PCDH11X: variants seen among roughly 807,000 people sequenced by gnomAD.
PCDH11X encodes protocadherin-11 X-linked.
In PCDH11X, 18 loss-of-function variants were observed where a neutral mutation model predicts 53.3. That is an observed-to-expected ratio of 0.34 (90% confidence interval 0.23 to 0.50). The LOEUF is 0.50. Ranked by LOEUF, PCDH11X falls within the 20% of genes least tolerant of loss-of-function variation. PCDH11X has a pLI of 0.98. For synonymous variants in PCDH11X, 279 were observed against 393.3 expected, an observed-to-expected ratio of 0.71 and a Z score of 3.44; for missense variants, 570 against 1,032.4, an observed-to-expected ratio of 0.55 and a Z score of 6.14.
At chrX:91,796,913 T>C (rs1295508595) in intron 1 of PCDH11X, among the ~76,000 whole-genome samples, 1 of 111,783 alleles carries the variant, frequency 8.9e-6, no homozygotes, top group Non-Finnish European at 1.9e-5. Context: ...TCTTTTTCAC[T>C]TCACAGTCCA....
chrX:92,353,084 A>G lies in PCDH11X; in HGVS notation c.3145-34651A>G, dbSNP rs370148385. ...AGAACAGCTTATCAAGATGTGCATA[A>G]AAATTGCAGACCTGTGACCATGTAT... On this transcript the variant is annotated intron_variant, in intron 8 of 10. Transcript: ENST00000682573. Among the ~76,000 whole-genome samples, 318 of 111,579 alleles carry G rather than the reference A, an allele frequency of 2.9e-3. 6 individuals are homozygous for G. The East Asian group carries it at 0.053, about 19-fold the overall frequency.
intron 6 of PCDH11X, among the ~76,000 whole-genome samples, chrX:92,175,783 T>TACAC (rs1213559599): frequency 4.7e-5 from 4 of 85,845 alleles, no homozygotes; most frequent in African/African-American, 1.4e-4. Flanking sequence ...TGTGTATATA[T>TACAC]ATACACACAC....
At chrX:92,194,425 T>G (rs1320172227) in intron 6 of PCDH11X, among the ~76,000 whole-genome samples, 1 of 111,496 alleles carries the variant, frequency 9.0e-6, no homozygotes, top group African/African-American at 3.3e-5. Context: ...TTGAAGCCCA[T>G]AAATCCAATA....
intron 4 of PCDH11X, among the ~76,000 whole-genome samples, chrX:91,813,752 CA>C (rs1191483936): frequency 3.8e-5 from 4 of 105,440 alleles, no homozygotes; most frequent in African/African-American, 1.4e-4. Context: ...AAGTAGACCA[CA>C]AAAAAAGTAC....
chrX:92,194,669 GTT>G (rs200483803), intron 6 of PCDH11X, among the ~76,000 whole-genome samples: 28 of 98,701 alleles, frequency 2.8e-4, no homozygotes, highest in South Asian at 2.3e-3. Context: ...TAAATATTAT[GTT>G]TTTTTTTTTT....
intron 7 of PCDH11X, among the ~76,000 whole-genome samples, chrX:92,216,759 C>T (rs1470858534): frequency 1.1e-5 from 1 of 90,647 alleles, no homozygotes; most frequent in Non-Finnish European, 2.2e-5. Flanking sequence ...GTCAGATTCA[C>T]CAAAGTTGAA....
At chrX:92,246,817 A>G (rs2067360971) in intron 7 of PCDH11X, among the ~76,000 whole-genome samples, 1 of 112,242 alleles carries the variant, frequency 8.9e-6, no homozygotes, top group African/African-American at 3.2e-5. Flanking sequence ...TGTCTGGTTC[A>G]GAGAACACTT....
rs780867171 is a variant in PCDH11X, at chrX:91,832,943, C to T, written c.-44-2518C>T. Among the ~76,000 whole-genome samples, 256 of 99,904 alleles carry T rather than the reference C, an allele frequency of 2.6e-3. 1 individual carries two copies. The highest frequency in any genetic ancestry group is 9.9e-3 in the Middle Eastern group (2 of 203). 86.8% of individuals were successfully genotyped at this position (99,904 alleles called of 115,157 possible). ...TGGGGGTTTGTTGTACAGATTATTT[C>T]GTCACCCAGGTATTAAGCCTAGTAC... On this transcript the variant is annotated intron_variant, in intron 4 of 10. Coordinates refer to ENST00000682573, the MANE Select transcript of PCDH11X (RefSeq NM_032968.5).
chrX:91,861,713 A>G (rs61124955), intron 5 of PCDH11X, among the ~76,000 whole-genome samples: 1,234 of 112,004 alleles, frequency 0.011, 17 homozygotes, highest in African/African-American at 0.037. Context: ...TCCTGGTGGC[A>G]TAGGCTCACA....
chrX:91,861,897 A>G (rs1254143082), intron 5 of PCDH11X, among the ~76,000 whole-genome samples: 2 of 110,958 alleles, frequency 1.8e-5, no homozygotes, highest in African/African-American at 6.6e-5. Context: ...GGTTGCATCA[A>G]CTGCCTAGTC....
intron 9 of PCDH11X, among the ~76,000 whole-genome samples, chrX:92,402,336 T>A (rs2071404386): frequency 9.0e-6 from 1 of 111,523 alleles, no homozygotes; most frequent in Non-Finnish European, 1.9e-5. Flanking sequence ...CCAAGGCAAA[T>A]CTTAAAAAGA....
chrX:91,801,179 CAAA>C (rs72093084), intron 1 of PCDH11X, among the ~76,000 whole-genome samples: 131 of 31,906 alleles, frequency 4.1e-3, no homozygotes, highest in African/African-American at 0.014. Flanking sequence ...GACCCTGCCT[CAAA>C]AAAAAAAAAA....
Position 92,481,298 on chromosome X carries a change from A to ACC in PCDH11X, c.3367+12979_3367+12980dup, listed in dbSNP as rs768734926. On this transcript the variant is annotated intron_variant, in intron 10 of 10. Coordinates refer to ENST00000682573, the MANE Select transcript of PCDH11X (RefSeq NM_032968.5). The stretch of plus-strand genomic sequence containing the variant: ...AAGGGCAGGGTTCACACACACACAC[A>ACC]CCCCACACACACACACCCCACACAC... Among the ~76,000 whole-genome samples the ACC allele has an allele frequency of 4.1e-5, 3 of 72,757 alleles. No individual in the cohort carries two copies. The Admixed American group carries it at 4.5e-4, about 11-fold the overall frequency. The allele number at this position is 72,757 out of a possible 115,157, so 63.2% of individuals were successfully genotyped here. A position where few individuals can be genotyped will look rare whatever the true frequency, so the allele number is the denominator to read the frequency against.
intron 9 of PCDH11X, among the ~76,000 whole-genome samples, chrX:92,442,069 G>A (rs183049026): frequency 4.5e-5 from 5 of 111,417 alleles, no homozygotes; most frequent in African/African-American, 1.6e-4. Context: ...CATGGGGCCT[G>A]TAGCCTCTTT....
At chrX:91,984,956 T>G (rs780246815) in intron 6 of PCDH11X, among the ~76,000 whole-genome samples, 1 of 111,548 alleles carries the variant, frequency 9.0e-6, no homozygotes, top group South Asian at 3.8e-4. Flanking sequence ...GCCCCTTGGT[T>G]TGAGGAACCA....
intron 6 of PCDH11X, among the ~76,000 whole-genome samples, chrX:92,158,922 C>G (rs2065588755): frequency 1.8e-5 from 2 of 112,105 alleles, no homozygotes; most frequent in African/African-American, 6.5e-5. Context: ...GCGTGAGCCA[C>G]TGGGCCCAGC....
chrX:92,380,629 T>C (rs749293289), intron 8 of PCDH11X, among the ~76,000 whole-genome samples: 194 of 111,949 alleles, frequency 1.7e-3, no homozygotes, highest in African/African-American at 5.9e-3. Flanking sequence ...CCAAATGTTA[T>C]GAAAGGCAAC....
intron 10 of PCDH11X, among the ~76,000 whole-genome samples, chrX:92,565,481 C>T (rs139933404): frequency 0.065 from 6,180 of 95,456 alleles, 287 homozygotes; most frequent in Admixed American, 0.15. Flanking sequence ...CAATCATTTG[C>T]AACAACATAG....
chrX:92,157,976 G>C (rs1439747692), intron 6 of PCDH11X, among the ~76,000 whole-genome samples: 1 of 111,098 alleles, frequency 9.0e-6, no homozygotes, highest in Non-Finnish European at 1.9e-5. Context: ...GCACTTTGGG[G>C]GGCTGAGGTG....
Sources: gnomAD v4.1 joint callset for allele counts (sites outside exome capture counted in the v4.1 genomes callset) on GRCh38, gnomAD v4.1.1 for gene constraint, MANE v1.5 for transcripts, NCBI Gene and HGNC (gene_info 2026-07-23, HGNC 2026-07-21) for gene names.